SLC17A4: variants seen among roughly 807,000 people sequenced by gnomAD.
SLC17A4 encodes probable small intestine urate exporter.
In SLC17A4, 33 loss-of-function variants were observed where a neutral mutation model predicts 52.5. That is an observed-to-expected ratio of 0.63 (90% CI 0.48 to 0.84). The LOEUF (loss-of-function observed/expected upper bound fraction) is 0.84, where lower values mean the gene tolerates loss of function less well. Among genes scored for constraint, SLC17A4 ranks in the 40% least tolerant of loss-of-function variants. SLC17A4 has a pLI of 0.00. For synonymous variants in SLC17A4, 225 were observed against 216.2 expected, an observed-to-expected ratio of 1.04 and a Z score of -0.36; for missense variants, 585 against 597.1, an observed-to-expected ratio of 0.98 and a Z score of 0.21.
Position 25,776,612 on chromosome 6 carries a change from C to T in SLC17A4, c.1005C>T (p.Ala335=), listed in dbSNP as rs1260033467. The T allele has an allele frequency of 1.9e-6, 3 of 1,608,914 alleles. No homozygotes were observed. Among genetic ancestry groups the T allele is most frequent in the Non-Finnish European group, 2.5e-6 (3 of 1,177,278 alleles). Reference sequence around the variant, plus strand: ...GTCCTCAGAGTGGGATCCTGTCTGCCTTGCCGTTTGTTGTTGGATGTATCT... The same window carrying T: ...GTCCTCAGAGTGGGATCCTGTCTGCTTTGCCGTTTGTTGTTGGATGTATCT... ...ANLRDSGILS[A]LPFVVGCICI... Residue 335 remains alanine, a synonymous_variant, in exon 9 of 12, where the codon GCC becomes GCT. Transcript: ENST00000377905.
At chr6:25,774,862 C>T (rs1228825796) in intron 8 of SLC17A4, among the ~76,000 whole-genome samples, 3 of 152,226 alleles carry the variant, frequency 2.0e-5, no homozygotes, top group Non-Finnish European at 4.4e-5. Context: ...TTGACAGCCT[C>T]GGCTTACGCA....
At chr6:25,756,848 AAG>A (rs1761063503) in intron 1 of SLC17A4, among the ~76,000 whole-genome samples, 1 of 152,204 alleles carries the variant, frequency 6.6e-6, no homozygotes, top group African/African-American at 2.4e-5. Context: ...GGAACACTCG[AAG>A]AGTCTGTGTG....
intron 6 of SLC17A4, 53 bp from the exon 7 acceptor site, chr6:25,773,222 A>G: frequency 7.2e-7 from 1 of 1,380,276 alleles, no homozygotes; most frequent in Non-Finnish European, 1.0e-6. Context: ...TTAGAGTCAA[A>G]CTGAAAGAAG....
chr6:25,778,649 G>GACA (rs1763136290), intron 11 of SLC17A4, among the ~76,000 whole-genome samples: 1 of 152,136 alleles, frequency 6.6e-6, no homozygotes, highest in Non-Finnish European at 1.5e-5. Context: ...AGAAATCTAT[G>GACA]GAAGTAAAAT....
chr6:25,765,396 G>A (rs892444281), intron 2 of SLC17A4, among the ~76,000 whole-genome samples: 2 of 152,210 alleles, frequency 1.3e-5, no homozygotes, highest in South Asian at 2.1e-4. Flanking sequence ...GGCACAGAGG[G>A]ATGAAGTAAC....
Position 25,779,763 on chromosome 6 carries a change from T to C in SLC17A4, c.*575T>C, listed in dbSNP as rs1462966008. ...CCAGCTTTGGAATCAGAGCCGCCTC[T>C]GGAATACCTGTGCTTCCAGAGTTAG... On this transcript the variant is annotated 3_prime_UTR_variant, in exon 12 of 12. Transcript: ENST00000377905. 1 of 152,274 alleles carries C rather than the reference T, an allele frequency of 6.6e-6. No homozygotes were observed. The highest frequency in any genetic ancestry group is 1.9e-4 in the East Asian group (1 of 5,194). 9.4% of individuals were successfully genotyped at this position (152,274 alleles called of 1,614,324 possible).
chr6:25,755,384 G>A (rs968380514), intron 1 of SLC17A4, among the ~76,000 whole-genome samples: 1 of 152,182 alleles, frequency 6.6e-6, no homozygotes, highest in African/African-American at 2.4e-5. Context: ...CTGTGAATAA[G>A]AGCCATGGGC....
chr6:25,779,115 T>C lies in SLC17A4; in HGVS notation c.1421T>C (p.Leu474Pro). 6.2e-7 allele frequency: 1 copy of C among 1,613,956 alleles called. No individual in the cohort carries two copies. Among genetic ancestry groups the C allele is most frequent in the Non-Finnish European group, 8.5e-7 (1 of 1,179,840 alleles). Residue 474 changes from leucine to proline, a missense_variant, in exon 12 of 12, where the codon CTG becomes CCG. Physicochemically the swap from Leu to Pro is moderately conservative, Grantham distance 98. Coordinates refer to ENST00000377905, the MANE Select transcript of SLC17A4 (RefSeq NM_005495.3). ...LLSAAVNISG[L>P]VFYLIFGRAD... The stretch of plus-strand genomic sequence containing the variant: ...TCAGCTGCTGTTAACATATCGGGCC[T>C]GGTTTTCTACCTCATCTTTGGCCGA...
chr6:25,779,361 A>T lies in SLC17A4; in HGVS notation c.*173A>T. The T allele has an allele frequency of 1.3e-6, 1 of 755,800 alleles. No individual in the cohort carries two copies. Among genetic ancestry groups the T allele is most frequent in the Non-Finnish European group, 2.1e-6 (1 of 483,542 alleles). 46.8% of individuals were successfully genotyped at this position (755,800 alleles called of 1,614,324 possible). A position where few individuals can be genotyped will look rare whatever the true frequency, so the allele number is the denominator to read the frequency against. On this transcript the variant is annotated 3_prime_UTR_variant, in exon 12 of 12. Coordinates refer to ENST00000377905, the MANE Select transcript of SLC17A4 (RefSeq NM_005495.3). ...TACAGGGGAAGAAAACACGCTAGTTATTTAACTGCAAGCTACTAAAAGCAT... is the reference window on the plus strand; with the variant it reads ...TACAGGGGAAGAAAACACGCTAGTTTTTTAACTGCAAGCTACTAAAAGCAT...
chr6:25,772,241 C>T (rs1200857876), intron 6 of SLC17A4, among the ~76,000 whole-genome samples: 1 of 152,132 alleles, frequency 6.6e-6, no homozygotes, highest in Admixed American at 6.5e-5. Flanking sequence ...CAGTAAGGAG[C>T]ATATACGCAA....
At chr6:25,774,940 A>T (rs574911724) in intron 8 of SLC17A4, among the ~76,000 whole-genome samples, 1 of 152,372 alleles carries the variant, frequency 6.6e-6, no homozygotes, top group South Asian at 2.1e-4. Context: ...TATATACAAC[A>T]GAGGAGTCTC....
In SLC17A4 at chr6:25,776,575, A is replaced by G. The variant is rs202219611; in HGVS notation, c.988-20A>G. ...GGGGTGGTAAGGGCACATGCACCTG[A>G]CCTAGTCTCTGGTCCTCAGAGTGGG... On this transcript the variant is annotated intron_variant, in intron 8 of 11. Transcript: ENST00000377905. 7.3e-5 allele frequency: 116 copies of G among 1,585,120 alleles called. No individual in the cohort carries two copies. In the African/African-American group the frequency reaches 1.5e-3, roughly 20 times the overall value.
chr6:25,773,158 G>T, intron 6 of SLC17A4, 117 bp from the exon 7 acceptor site: 1 of 796,698 alleles, frequency 1.3e-6, no homozygotes, highest in East Asian at 2.4e-5. Flanking sequence ...AGGGATAGAT[G>T]CCAGGAAGAG....
At chr6:25,775,437 TTTTC>T (rs1421583082) in intron 8 of SLC17A4, among the ~76,000 whole-genome samples, 1 of 152,130 alleles carries the variant, frequency 6.6e-6, no homozygotes, top group African/African-American at 2.4e-5. Context: ...TCTTTTTTCT[TTTTC>T]TTTCTTTCTT....
chr6:25,767,668 C>T (rs1762135341), intron 2 of SLC17A4, among the ~76,000 whole-genome samples: 1 of 152,122 alleles, frequency 6.6e-6, no homozygotes, highest in Non-Finnish European at 1.5e-5. Context: ...AGCAGCATAC[C>T]TAGTGGTGTA....
At chr6:25,771,098 A>G in intron 6 of SLC17A4, 86 bp downstream of exon 6, 1 of 1,094,312 alleles carries the variant, frequency 9.1e-7, no homozygotes, top group Non-Finnish European at 1.4e-6. Flanking sequence ...CCTAATAGAT[A>G]TGGATATTTA....
chr6:25,771,614 C>A (rs1762490304), intron 6 of SLC17A4, among the ~76,000 whole-genome samples: 4 of 151,986 alleles, frequency 2.6e-5, no homozygotes, highest in Admixed American at 2.6e-4. Context: ...AGTCAGATTA[C>A]ATTTTAGTCA....
At chr6:25,777,851 C>G (rs1763061871) in intron 10 of SLC17A4, 75 bp from the exon 11 acceptor site, 2 of 1,218,948 alleles carry the variant, frequency 1.6e-6, no homozygotes, top group Non-Finnish European at 2.4e-6. Flanking sequence ...GAATATTTGC[C>G]TCCCTCTCCC....
At chr6:25,777,645 C>T in intron 10 of SLC17A4, 2 of 300,078 alleles carry the variant, frequency 6.7e-6, no homozygotes, top group Non-Finnish European at 1.2e-5. Flanking sequence ...TCAATCTGAC[C>T]ATCTTGCATA....
Sources: gnomAD v4.1 joint callset for allele counts (sites outside exome capture counted in the v4.1 genomes callset) on GRCh38, gnomAD v4.1.1 for gene constraint, MANE v1.5 for transcripts, NCBI Gene and HGNC (gene_info 2026-07-23, HGNC 2026-07-21) for gene names.